Variants in VPS26C observed in about 807,000 individuals in gnomAD.
VPS26C encodes VPS26 endosomal protein sorting factor C.
Under a neutral mutation model 30.6 loss-of-function variants are expected in VPS26C, and 19 were observed. The ratio of observed to expected loss-of-function variants is 0.62; its 90% CI spans 0.43 to 0.91. The LOEUF (loss-of-function observed/expected upper bound fraction) is 0.91. VPS26C is among the 40% of genes least tolerant of loss of function. VPS26C has a pLI of 0.00. For synonymous variants in VPS26C, 132 were observed against 151.5 expected, an observed-to-expected ratio of 0.87 and a Z score of 0.95; for missense variants, 318 against 385.1, an observed-to-expected ratio of 0.83 and a Z score of 1.46.
At chr21:37,265,885 C>G (rs2086354255) in intron 1 of VPS26C, among the ~76,000 whole-genome samples, 2 of 140,894 alleles carry the variant, frequency 1.4e-5, no homozygotes, top group Non-Finnish European at 3.1e-5. Context: ...TACCAGATTT[C>G]TCCATTATAA....
At chr21:37,258,424 C>T (rs1263791149) in intron 1 of VPS26C, among the ~76,000 whole-genome samples, 2 of 152,228 alleles carry the variant, frequency 1.3e-5, no homozygotes, top group Non-Finnish European at 2.9e-5. Flanking sequence ...TCTGCGCATG[C>T]GCCGGGCATT....
intron 1 of VPS26C, among the ~76,000 whole-genome samples, chr21:37,243,144 T>C (rs1304563232): frequency 1.3e-5 from 2 of 152,012 alleles, no homozygotes; most frequent in Non-Finnish European, 1.5e-5. Context: ...GAACAGACAT[T>C]AAGGAAAACC....
chr21:37,258,224 G>C (rs977841139), intron 1 of VPS26C, among the ~76,000 whole-genome samples: 1 of 152,222 alleles, frequency 6.6e-6, no homozygotes, highest in African/African-American at 2.4e-5. Context: ...CACCGATTGC[G>C]CAGGAGGCAC....
Position 37,232,369 on chromosome 21 carries a change from C to CGTCCT in VPS26C, c.507+7_507+8insAGGAC, listed in dbSNP as rs1569232359. 1.2e-6 allele frequency: 2 copies of CGTCCT among 1,613,396 alleles called. No individual in the cohort carries two copies. The highest frequency in any genetic ancestry group is 2.2e-5 in the South Asian group (2 of 91,016). ...ACCCACGGCATTCGCCTGTGCAGGA[C>CGTCCT]GTCTTACCTCTTTGACGTTCTGTAA... On this transcript the variant is annotated splice_region_variant and intron_variant, in intron 5 of 7. Transcript: ENST00000309117.
At chr21:37,241,639 G>A (rs571283070) in intron 1 of VPS26C, among the ~76,000 whole-genome samples, 2 of 152,174 alleles carry the variant, frequency 1.3e-5, no homozygotes, top group Non-Finnish European at 2.9e-5. Flanking sequence ...GTAACATAGC[G>A]AGACTCCATC....
intron 1 of VPS26C, among the ~76,000 whole-genome samples, chr21:37,255,013 T>C (rs1419955878): frequency 6.6e-6 from 1 of 152,160 alleles, no homozygotes; most frequent in African/African-American, 2.4e-5. Flanking sequence ...GCACTGTTCA[T>C]GGGGCAGCAG....
intron 1 of VPS26C, among the ~76,000 whole-genome samples, chr21:37,254,482 G>A (rs2086223040): frequency 6.6e-6 from 1 of 151,924 alleles, no homozygotes; most frequent in Non-Finnish European, 1.5e-5. Context: ...GCGTAACAGT[G>A]CAAGACCCCA....
intron 1 of VPS26C, among the ~76,000 whole-genome samples, chr21:37,262,457 T>A (rs2086314703): frequency 6.6e-6 from 1 of 152,250 alleles, no homozygotes; most frequent in African/African-American, 2.4e-5. Context: ...CTTGATCATC[T>A]TTTTAATCAT....
chr21:37,250,615 A>G (rs903586253), intron 1 of VPS26C, among the ~76,000 whole-genome samples: 1 of 53,446 alleles, frequency 1.9e-5, no homozygotes, highest in Non-Finnish European at 3.5e-5. Context: ...AAAGAAATCA[A>G]TGAAAGGCTG....
At chr21:37,256,955 C>A (rs1203499661) in intron 1 of VPS26C, among the ~76,000 whole-genome samples, 9 of 151,952 alleles carry the variant, frequency 5.9e-5, no homozygotes, top group Non-Finnish European at 1.3e-4. Context: ...GGGCAACATG[C>A]AGAAACCCTG....
In VPS26C at chr21:37,227,663, A is replaced by G. The variant is rs1254742458; in HGVS notation, c.802T>C (p.Phe268Leu). 1 of 1,613,880 alleles carries G rather than the reference A, an allele frequency of 6.2e-7. No homozygotes were observed. The change falls in exon 7 of 8, where the codon TTC (phenylalanine) becomes CTC (leucine). Residue 268 changes from phenylalanine to leucine, a missense_variant. By Grantham distance (22) the Phe-to-Leu change is conservative. Transcript: ENST00000309117. ...FTCPTLETTN[F>L]KVEFEVNIVV... Reference sequence around the variant, plus strand: ...GGCGAGTGCCACTTACCCACTTTGAAGTTGGTGGTCTCCAGTGTAGGGCAG... The same window carrying G: ...GGCGAGTGCCACTTACCCACTTTGAGGTTGGTGGTCTCCAGTGTAGGGCAG...
intron 7 of VPS26C, 44 bp from the exon 8 acceptor site, chr21:37,225,670 G>A (rs1469498625): frequency 4.6e-6 from 7 of 1,529,710 alleles, no homozygotes; most frequent in Admixed American, 1.7e-5. Flanking sequence ...CTGTTACCAA[G>A]CAGCGAAACC....
intron 1 of VPS26C, among the ~76,000 whole-genome samples, chr21:37,260,903 C>T (rs959735077): frequency 4.6e-5 from 7 of 152,122 alleles, no homozygotes; most frequent in Admixed American, 2.0e-4. Context: ...TTTATAATTA[C>T]GAAGCAAAAT....
intron 1 of VPS26C, among the ~76,000 whole-genome samples, chr21:37,252,711 G>A (rs2086205804): frequency 6.6e-6 from 1 of 152,152 alleles, no homozygotes; most frequent in Non-Finnish European, 1.5e-5. Flanking sequence ...AACAAACTGT[G>A]ATACATCTAT....
intron 1 of VPS26C, among the ~76,000 whole-genome samples, chr21:37,249,094 T>A (rs1014545142): frequency 2.6e-5 from 4 of 152,140 alleles, no homozygotes; most frequent in African/African-American, 9.7e-5. Flanking sequence ...ACCAAATATA[T>A]CTACCTTACC....
chr21:37,240,481 A>C lies in VPS26C; in HGVS notation c.201+15T>G, dbSNP rs764078871. On this transcript the variant is annotated intron_variant, in intron 2 of 7. Coordinates refer to ENST00000309117, the MANE Select transcript of VPS26C (RefSeq NM_006052.2). ...TATTGAACTAAAAACTTGCAATCTA[A>C]GCATTCTTTCTTACCTTAACAGAAT... The C allele has an allele frequency of 1.2e-5, 20 of 1,613,260 alleles. No homozygotes were observed. Among genetic ancestry groups the C allele is most frequent in the Non-Finnish European group, 1.7e-5 (20 of 1,179,790 alleles).
intron 1 of VPS26C, among the ~76,000 whole-genome samples, chr21:37,258,426 C>T (rs2086268777): frequency 6.6e-6 from 1 of 152,228 alleles, no homozygotes; most frequent in Non-Finnish European, 1.5e-5. Context: ...TGCGCATGCG[C>T]CGGGCATTCC....
upstream of VPS26C, chr21:37,268,062 G>C (rs2086390364): frequency 6.6e-6 from 1 of 152,276 alleles, no homozygotes; most frequent in Non-Finnish European, 1.5e-5. Context: ...GGGTGACCTC[G>C]CTCCTCTCGG....
Position 37,267,232 on chromosome 21 carries a change from ACT to A in VPS26C, c.57+4_57+5del. 3 of 223,612 alleles carry A rather than the reference ACT, an allele frequency of 1.3e-5. No individual in the cohort carries two copies. Among genetic ancestry groups the A allele is most frequent in the Non-Finnish European group, 2.4e-5 (3 of 124,650 alleles). The allele number at this position is 223,612 out of a possible 1,614,324, so 13.9% of individuals were successfully genotyped here. Reference sequence around the variant, plus strand: ...ACCTCCATCCCCACCCCCAGCCCCCACTTACCCCGGCGTGATAAACTTTATTC... The same window carrying A: ...ACCTCCATCCCCACCCCCAGCCCCCATACCCCGGCGTGATAAACTTTATTC... On this transcript the variant is annotated splice_donor_5th_base_variant and intron_variant, in intron 1 of 7. Transcript: ENST00000309117.
Sources: gnomAD v4.1 joint callset for allele counts (sites outside exome capture counted in the v4.1 genomes callset) on GRCh38, gnomAD v4.1.1 for gene constraint, MANE v1.5 for transcripts, NCBI Gene and HGNC (gene_info 2026-07-23, HGNC 2026-07-21) for gene names.